DLGAP5: variants seen among roughly 807,000 people sequenced by gnomAD.
The protein encoded by DLGAP5 is DLG associated protein 5.
Under a neutral mutation model 99.6 loss-of-function variants are expected in DLGAP5, and 90 were observed. That is an observed-to-expected ratio of 0.90 (90% CI 0.76 to 1.08). The LOEUF (loss-of-function observed/expected upper bound fraction) is 1.08. DLGAP5 is among the 50% of genes least tolerant of loss of function. The probability of loss-of-function intolerance (pLI) is 0.00; values close to 1 mark genes in which losing one functional copy is unlikely to be tolerated. For synonymous variants in DLGAP5, 311 were observed against 321.3 expected (o/e 0.97, Z 0.34); for missense variants, 1,036 against 983.5 (o/e 1.05, Z -0.71).
chr14:55,165,493 A>G (rs927816876), intron 12 of DLGAP5, among the ~76,000 whole-genome samples: 1 of 152,058 alleles, frequency 6.6e-6, no homozygotes, highest in Non-Finnish European at 1.5e-5. Flanking sequence ...AATGCACTCC[A>G]GCCTGGGTTG....
chr14:55,178,112 C>T (rs977989695), intron 7 of DLGAP5, among the ~76,000 whole-genome samples: 36 of 151,534 alleles, frequency 2.4e-4, no homozygotes, highest in South Asian at 1.7e-3. Flanking sequence ...ATTATTGGGG[C>T]GTGGTGGCAG....
At position 55,175,914 on chromosome 14, in the gene DLGAP5, G is replaced by C; in HGVS notation, c.1154C>G (p.Pro385Arg). 6.2e-7 allele frequency: 1 copy of C among 1,600,652 alleles called. No homozygotes were observed. The highest frequency in any genetic ancestry group is 8.5e-7 in the Non-Finnish European group (1 of 1,171,988). The change falls in exon 9 of 19, where the codon CCT becomes CGT. Residue 385 changes from proline (P) to arginine (R), a missense_variant. Pro to Arg is a moderately radical substitution (Grantham distance 103). Coordinates refer to ENST00000247191, the MANE Select transcript of DLGAP5 (RefSeq NM_014750.5). Reference sequence around the variant, plus strand: ...TATACCTTCATGCCAAACAGTTAGAGGACCCAAAGGACATGGCAATTTATT... The same window carrying C: ...TATACCTTCATGCCAAACAGTTAGACGACCCAAAGGACATGGCAATTTATT... ...DSNKLPCPLG[P>R]LTVWHEEHVL...
intron 10 of DLGAP5, among the ~76,000 whole-genome samples, chr14:55,174,184 C>T (rs541187081): frequency 6.6e-6 from 1 of 152,286 alleles, no homozygotes; most frequent in East Asian, 1.9e-4. Flanking sequence ...CTGGGCGTGG[C>T]CGTCTCTTAC....
intron 2 of DLGAP5, among the ~76,000 whole-genome samples, chr14:55,184,701 T>C (rs115215868): frequency 5.3e-5 from 8 of 152,154 alleles, no homozygotes; most frequent in Non-Finnish European, 4.4e-5. Context: ...AGCAGTCCTA[T>C]GGAGATGTCC....
chr14:55,169,588 T>G, intron 11 of DLGAP5, 29 bp from the exon 12 acceptor site: 1 of 1,549,068 alleles, frequency 6.5e-7, no homozygotes, highest in Non-Finnish European at 8.7e-7. Context: ...TTTTTAAAAT[T>G]AAAGGACAAA....
chr14:55,184,671 TGGGGCCTTAAGAA>T (rs1883376756), intron 2 of DLGAP5, among the ~76,000 whole-genome samples: 1 of 152,182 alleles, frequency 6.6e-6, no homozygotes, highest in Admixed American at 6.5e-5. Context: ...AGGTGCCATG[TGGGGCCTTAAGAA>T]GACTCAAGCA....
chr14:55,186,534 T>C (rs944267740), intron 2 of DLGAP5, among the ~76,000 whole-genome samples: 5 of 152,244 alleles, frequency 3.3e-5, no homozygotes, highest in Non-Finnish European at 5.9e-5. Flanking sequence ...TTCATGCCAT[T>C]GTCTTACTGA....
rs778388069 is a variant in DLGAP5 at position 55,154,803 on chromosome 14, A to G, written c.1877T>C (p.Leu626Pro). ...VESPVKLFSG[L>P]SVSSEGPSQR... ...AGAAGGGCCTTCAGAAGAGACAGAA[A>G]GTCCTAGAAGATGAGAGAAATCACC... Residue 626 changes from leucine (L) to proline (P), a missense_variant, in exon 15 of 19, where the codon CTT becomes CCT. Leu to Pro is a moderately conservative substitution (Grantham distance 98). Coordinates refer to ENST00000247191, the MANE Select transcript of DLGAP5 (RefSeq NM_014750.5). 1.9e-6 allele frequency: 3 copies of G among 1,612,990 alleles called. No individual in the cohort carries two copies. The highest frequency in any genetic ancestry group is 4.5e-5 in the East Asian group (2 of 44,874).
chr14:55,177,872 T>C (rs1392848909), intron 7 of DLGAP5, among the ~76,000 whole-genome samples: 2 of 151,924 alleles, frequency 1.3e-5, no homozygotes, highest in Non-Finnish European at 2.9e-5. Flanking sequence ...ACTAATACCT[T>C]TTGGGTATTA....
At chr14:55,165,004 T>C (rs1003555277) in intron 12 of DLGAP5, among the ~76,000 whole-genome samples, 2 of 151,534 alleles carry the variant, frequency 1.3e-5, no homozygotes, top group African/African-American at 4.9e-5. Context: ...ATTAAGAGGA[T>C]TAAAAGTCAA....
At chr14:55,151,123 G>T (rs558567834) in intron 17 of DLGAP5, among the ~76,000 whole-genome samples, 4 of 152,266 alleles carry the variant, frequency 2.6e-5, no homozygotes, top group South Asian at 2.1e-4. Flanking sequence ...TAAATGTCTG[G>T]CCGAGGTTAA....
chr14:55,176,071 A>G (rs1883051703), intron 8 of DLGAP5, 53 bp from the exon 9 acceptor site: 1 of 1,455,112 alleles, frequency 6.9e-7, no homozygotes. Context: ...CATATATCTA[A>G]TATAAAGGGT....
At chr14:55,180,517 G>C in intron 6 of DLGAP5, 139 bp downstream of exon 6, 3 of 1,201,612 alleles carry the variant, frequency 2.5e-6, no homozygotes, top group East Asian at 2.4e-5. Context: ...TCAGGGCACA[G>C]AATCTATTTT....
rs1268754806 is a variant in DLGAP5 at position 55,152,609 on chromosome 14, T to G, written c.2102A>C (p.Asp701Ala). Reference protein sequence around the residue: ...IEDAQCPGLPDLIEENHVVNK... With the variant: ...IEDAQCPGLPALIEENHVVNK... The stretch of plus-strand genomic sequence containing the variant: ...ACTTACATGATTTTCTTCAATTAAA[T>G]CTGGTAATCCAGGACACTGAGCATC... The change falls in exon 16 of 19, where the codon GAT (aspartate) becomes GCT (alanine). Residue 701 changes from aspartate (D) to alanine (A), a missense_variant. Asp to Ala is a moderately radical substitution (Grantham distance 126). Coordinates refer to ENST00000247191, the MANE Select transcript of DLGAP5 (RefSeq NM_014750.5). 5 of 1,602,908 alleles carry G rather than the reference T, an allele frequency of 3.1e-6. No individual in the cohort carries two copies. Among genetic ancestry groups the G allele is most frequent in the South Asian group, 1.1e-5 (1 of 88,148 alleles).
At chr14:55,161,563 C>T (rs1882436323) in intron 13 of DLGAP5, among the ~76,000 whole-genome samples, 1 of 151,108 alleles carries the variant, frequency 6.6e-6, no homozygotes, top group East Asian at 2.0e-4. Context: ...GCATGCGCCA[C>T]CTCGCCCAGC....
At chr14:55,186,551 G>A (rs188713384) in intron 2 of DLGAP5, among the ~76,000 whole-genome samples, 2 of 152,094 alleles carry the variant, frequency 1.3e-5, no homozygotes, top group Admixed American at 1.3e-4. Context: ...CTGACAAAAG[G>A]TAGTCAGTTT....
Position 55,157,022 on chromosome 14 carries a change from G to A in DLGAP5, c.1873+1500C>T, listed in dbSNP as rs1594664766. 3.9e-5 allele frequency among the ~76,000 whole-genome samples: 6 copies of A among 152,244 alleles called. 1 individual carries two copies. The highest frequency in any genetic ancestry group is 3.9e-4 in the Admixed American group (6 of 15,286). ...AAGATCAAACCTTGTCAAGAGAGAT[G>A]GTGGTAAACAACAAAACTCCAGTAA... On this transcript the variant is annotated intron_variant, in intron 14 of 18. Coordinates refer to ENST00000247191, the MANE Select transcript of DLGAP5 (RefSeq NM_014750.5).
At chr14:55,153,372 T>A (rs1303015361) in intron 15 of DLGAP5, among the ~76,000 whole-genome samples, 1 of 151,942 alleles carries the variant, frequency 6.6e-6, no homozygotes, top group Non-Finnish European at 1.5e-5. Flanking sequence ...AAACCCCGTC[T>A]CTACTAAAAA....
In DLGAP5 at chr14:55,151,970, T is replaced by G. The variant is rs747752996; in HGVS notation, c.2122-29A>C. On this transcript the variant is annotated intron_variant, in intron 16 of 18. Transcript: ENST00000247191. ...GAAGTAAAAATGGCATTATATTTAA[T>G]TATCAATTTAATTACTTGGAACAAA... 3 of 1,585,546 alleles carry G rather than the reference T, an allele frequency of 1.9e-6. No homozygotes were observed. In the Admixed American group the frequency reaches 5.6e-5, roughly 30 times the overall value.
Sources: allele counts gnomAD v4.1 joint callset (sites outside exome capture counted in the v4.1 genomes callset), GRCh38; gene constraint gnomAD v4.1.1; transcripts MANE v1.5; gene names NCBI Gene and HGNC (gene_info 2026-07-23, HGNC 2026-07-21).